The following GRXCR2 variants were observed in gnomAD, a reference collection of about 807,000 sequenced individuals.
GRXCR2 encodes the protein glutaredoxin domain-containing cysteine-rich protein 2.
Under a neutral mutation model 24.8 loss-of-function variants are expected in GRXCR2, and 23 were observed. The ratio of observed to expected loss-of-function variants is 0.93; its 90% confidence interval spans 0.67 to 1.32. The LOEUF is 1.32. Ranked by LOEUF, GRXCR2 falls within the 40% of genes most tolerant of loss-of-function variation. The pLI, the probability that GRXCR2 is intolerant of heterozygous loss-of-function variation, is 0.00. For missense variants in GRXCR2, 315 were observed against 303.4 expected, an observed-to-expected ratio of 1.04 and a Z score of -0.28; for synonymous variants, 130 against 116.1, an observed-to-expected ratio of 1.12 and a Z score of -0.77.
intron 2 of GRXCR2, among the ~76,000 whole-genome samples, chr5:145,897,276 TACA>T (rs1185347306): frequency 3.3e-5 from 5 of 149,522 alleles, no homozygotes; most frequent in African/African-American, 1.3e-4. Flanking sequence ...CATACATACA[TACA>T]TACATACAAA....
intron 2 of GRXCR2, among the ~76,000 whole-genome samples, chr5:145,925,970 A>T (rs1757388567): frequency 6.6e-6 from 1 of 152,134 alleles, no homozygotes; most frequent in African/African-American, 2.4e-5. Flanking sequence ...TGTGACAAAA[A>T]AAAAACAAGA....
intron 2 of GRXCR2, among the ~76,000 whole-genome samples, chr5:145,904,469 C>T (rs1043716275): frequency 6.6e-6 from 1 of 152,178 alleles, no homozygotes; most frequent in African/African-American, 2.4e-5. Context: ...ATGAGATGAA[C>T]ACCTTCCTAA....
intron 2 of GRXCR2, among the ~76,000 whole-genome samples, chr5:145,911,183 A>G (rs1310403145): frequency 6.6e-6 from 1 of 152,200 alleles, no homozygotes; most frequent in Non-Finnish European, 1.5e-5. Context: ...ATCTATCAGC[A>G]CCTCGAGTTA....
chr5:145,896,430 G>T (rs187247021), intron 2 of GRXCR2, among the ~76,000 whole-genome samples: 205 of 151,848 alleles, frequency 1.4e-3, no homozygotes, highest in African/African-American at 3.6e-3. Flanking sequence ...TCAAAAAAAT[G>T]TACAAGAAAA....
At chr5:145,908,823 GAAGA>G (rs1390318983) in intron 2 of GRXCR2, among the ~76,000 whole-genome samples, 2 of 152,324 alleles carry the variant, frequency 1.3e-5, no homozygotes, top group East Asian at 3.9e-4. Context: ...CTGGGAGGTA[GAAGA>G]AAGGCAATGT....
chr5:145,885,127 C>G (rs426607), intron 2 of GRXCR2, among the ~76,000 whole-genome samples: 3,694 of 147,010 alleles, frequency 0.025, 153 homozygotes, highest in African/African-American at 0.092. Flanking sequence ...GTGTGTCTGT[C>G]TGTCTGTCTG....
intron 2 of GRXCR2, among the ~76,000 whole-genome samples, chr5:145,861,496 C>T (rs542329629): frequency 6.6e-6 from 1 of 152,084 alleles, no homozygotes; most frequent in East Asian, 1.9e-4. Flanking sequence ...GAAGGCTTGC[C>T]CACCCACAGC....
chr5:145,920,643 GACAA>G (rs1051569452), intron 2 of GRXCR2, among the ~76,000 whole-genome samples: 6 of 152,166 alleles, frequency 3.9e-5, no homozygotes, highest in Admixed American at 3.9e-4. Context: ...GGGTGGGGGT[GACAA>G]ACAATCGTTC....
intron 2 of GRXCR2, among the ~76,000 whole-genome samples, chr5:145,896,287 G>C (rs1437706117): frequency 2.0e-5 from 3 of 152,142 alleles, no homozygotes; most frequent in East Asian, 1.9e-4. Flanking sequence ...CAAACGGGAT[G>C]TAACTAAACT....
chr5:145,923,245 A>G (rs559880708), intron 2 of GRXCR2, among the ~76,000 whole-genome samples: 5 of 152,338 alleles, frequency 3.3e-5, no homozygotes, highest in South Asian at 4.1e-4. Flanking sequence ...TCTACTTTAC[A>G]TATAATAAGT....
At chr5:145,911,392 G>A (rs975201178) in intron 2 of GRXCR2, among the ~76,000 whole-genome samples, 2 of 152,186 alleles carry the variant, frequency 1.3e-5, no homozygotes, top group African/African-American at 4.8e-5. Context: ...TGCAGCTATG[G>A]GTCTGCAGAG....
chr5:145,902,651 A>C (rs1441381666), intron 2 of GRXCR2, among the ~76,000 whole-genome samples: 1 of 152,206 alleles, frequency 6.6e-6, no homozygotes, highest in Non-Finnish European at 1.5e-5. Flanking sequence ...GTTAAACATG[A>C]AGAAGAGGTT....
downstream of GRXCR2, among the ~76,000 whole-genome samples, chr5:145,858,255 A>G (rs555175364): frequency 2.0e-5 from 3 of 151,922 alleles, no homozygotes; most frequent in South Asian, 6.3e-4. Context: ...CAGAGGTTGC[A>G]ATGAACAAAG....
At chr5:145,895,700 T>C (rs1382534238) in intron 2 of GRXCR2, among the ~76,000 whole-genome samples, 1 of 152,144 alleles carries the variant, frequency 6.6e-6, no homozygotes, top group Non-Finnish European at 1.5e-5. Context: ...AAAATGGCCA[T>C]ACTGCCCAAG....
chr5:145,901,748 G>C (rs992251582), intron 2 of GRXCR2, among the ~76,000 whole-genome samples: 2 of 152,140 alleles, frequency 1.3e-5, no homozygotes, highest in African/African-American at 4.8e-5. Context: ...AGCAGGAACA[G>C]TAAGAACAAA....
chr5:145,890,976 C>G (rs943207151), intron 2 of GRXCR2, among the ~76,000 whole-genome samples: 7 of 152,120 alleles, frequency 4.6e-5, no homozygotes, highest in Admixed American at 1.3e-4. Flanking sequence ...AGTCACTATT[C>G]TTATATCAGA....
At chr5:145,873,743 C>T (rs1756570040), upstream of GRXCR2, among the ~76,000 whole-genome samples, 1 of 152,236 alleles carries the variant, frequency 6.6e-6, no homozygotes, top group Non-Finnish European at 1.5e-5. Context: ...AGAGCACCTC[C>T]ACTTGGTATG....
intron 2 of GRXCR2, among the ~76,000 whole-genome samples, chr5:145,881,744 G>A (rs183457437): frequency 6.6e-6 from 1 of 152,116 alleles, no homozygotes; most frequent in African/African-American, 2.4e-5. Context: ...AAAACTGGAG[G>A]CATCATGCTA....
intron 2 of GRXCR2, among the ~76,000 whole-genome samples, chr5:145,863,256 G>T (rs1756371545): frequency 6.6e-6 from 1 of 152,300 alleles, no homozygotes; most frequent in South Asian, 2.1e-4. Context: ...GATGTTCTTT[G>T]ACCTTCTCTT....
Sources: gnomAD v4.1 joint callset for allele counts (sites outside exome capture counted in the v4.1 genomes callset) on GRCh38, gnomAD v4.1.1 for gene constraint, MANE v1.5 for transcripts, NCBI Gene and HGNC (gene_info 2026-07-23, HGNC 2026-07-21) for gene names.